Variants in EYS observed in about 807,000 individuals in gnomAD.
The protein encoded by EYS is EGF-like photoreceptor maintenance factor.
EYS carries 250 observed loss-of-function variants against 282.1 expected under a neutral mutation model. That is an observed-to-expected ratio of 0.89 (90% CI 0.80 to 0.98). EYS has a LOEUF of 0.98. Among genes scored for constraint, EYS ranks in the 50% least tolerant of loss-of-function variants. EYS has a pLI of 0.00. For missense variants in EYS, 4,016 were observed against 3,709.0 expected (o/e 1.08, Z -2.15); for synonymous variants, 1,355 against 1,282.9 (o/e 1.06, Z -1.20).
chr6:64,430,208 T>C (rs1484411332), intron 28 of EYS, among the ~76,000 whole-genome samples: 2 of 152,184 alleles, frequency 1.3e-5, no homozygotes, highest in African/African-American at 2.4e-5. Context: ...TTACTAAAAT[T>C]TGTGGTTTCT....
chr6:64,622,631 G>T (rs1267732669), intron 23 of EYS, among the ~76,000 whole-genome samples: 2 of 152,088 alleles, frequency 1.3e-5, no homozygotes, highest in African/African-American at 2.4e-5. Context: ...GACAACCATG[G>T]AGTTGTTGTT....
intron 19 of EYS, among the ~76,000 whole-genome samples, chr6:64,872,563 T>C (rs1353266954): frequency 2.0e-5 from 3 of 152,024 alleles, no homozygotes; most frequent in Admixed American, 6.6e-5. Flanking sequence ...CCATCTCTTA[T>C]AGCCCCTCTG....
Position 64,983,470 on chromosome 6 carries a change from T to A in EYS, c.2259+14112A>T, listed in dbSNP as rs961492366. ...CTCAATTGAGTCAATACAACCAGTT[T>A]TCCCCCCACACAAAACTTATACTTT... On this transcript the variant is annotated intron_variant, in intron 14 of 42. Transcript: ENST00000503581. Among the ~76,000 whole-genome samples, 14 of 151,346 alleles carry A rather than the reference T, an allele frequency of 9.3e-5. No homozygotes were observed. In the South Asian group the frequency reaches 2.9e-3, roughly 31 times the overall value.
intron 15 of EYS, among the ~76,000 whole-genome samples, chr6:64,918,067 G>C (rs1232677681): frequency 6.6e-6 from 1 of 151,752 alleles, no homozygotes; most frequent in African/African-American, 2.4e-5. Flanking sequence ...ACACCCTTAG[G>C]TGTACATACC....
chr6:65,520,106 C>T (rs1767310541), intron 2 of EYS, among the ~76,000 whole-genome samples: 1 of 151,956 alleles, frequency 6.6e-6, no homozygotes, highest in African/African-American at 2.4e-5. Context: ...GTACTTGATA[C>T]ATATCACCCC....
At chr6:64,432,745 T>C (rs551224450) in intron 28 of EYS, among the ~76,000 whole-genome samples, 22 of 152,098 alleles carry the variant, frequency 1.4e-4, no homozygotes, top group African/African-American at 4.1e-4. Context: ...TCTACCTTAA[T>C]GTTCTACCTG....
chr6:64,622,740 C>A (rs1767485525), intron 23 of EYS, among the ~76,000 whole-genome samples: 1 of 152,032 alleles, frequency 6.6e-6, no homozygotes, highest in East Asian at 1.9e-4. Context: ...AGTGTTTAGC[C>A]AATTTAAAGA....
intron 11 of EYS, among the ~76,000 whole-genome samples, chr6:65,319,204 C>CAAAAAAAAAAAAAAAA (rs55687610): frequency 4.5e-5 from 2 of 44,392 alleles, no homozygotes; most frequent in African/African-American, 8.8e-5. Context: ...ACTAAAAATG[C>CAAAAAAAAAAAAAAAA]AAAAAAAAAA....
chr6:63,933,306 C>G (rs972617767), intron 35 of EYS, among the ~76,000 whole-genome samples: 2 of 152,112 alleles, frequency 1.3e-5, no homozygotes, highest in African/African-American at 4.8e-5. Context: ...GATCTTGGCT[C>G]ACTGCAACCT....
chr6:63,841,673 A>G (rs1771963528), intron 36 of EYS, among the ~76,000 whole-genome samples: 1 of 152,156 alleles, frequency 6.6e-6, no homozygotes, highest in Non-Finnish European at 1.5e-5. Flanking sequence ...GGCTTGTTAC[A>G]TAGGTGTACA....
Position 65,543,171 on chromosome 6 carries a change from A to C in EYS, c.-332-47178T>G, listed in dbSNP as rs569265745. Among the ~76,000 whole-genome samples the C allele has an allele frequency of 2.0e-5, 3 of 151,904 alleles. No individual in the cohort carries two copies. In the South Asian group the frequency reaches 6.2e-4, roughly 32 times the overall value. The stretch of plus-strand genomic sequence containing the variant: ...GTAGCTGGGATTATAGGCACTTGCC[A>C]CCATGCCGGGCTAATTTTTGTATTT... On this transcript the variant is annotated intron_variant, in intron 2 of 42. Coordinates refer to ENST00000503581, the MANE Select transcript of EYS (RefSeq NM_001142800.2).
intron 37 of EYS, among the ~76,000 whole-genome samples, chr6:63,804,492 C>T (rs1432211153): frequency 6.6e-6 from 1 of 152,204 alleles, no homozygotes; most frequent in Non-Finnish European, 1.5e-5. Context: ...GTCTACATCA[C>T]CAGTCTCTAG....
intron 35 of EYS, among the ~76,000 whole-genome samples, chr6:63,928,524 C>CTGTGTG: frequency 6.7e-6 from 1 of 149,398 alleles, no homozygotes; most frequent in African/African-American, 2.4e-5. Context: ...CACCTTTTGA[C>CTGTGTG]TGTGTGTGTG....
At chr6:64,519,339 G>A (rs368123518) in intron 26 of EYS, among the ~76,000 whole-genome samples, 3 of 151,820 alleles carry the variant, frequency 2.0e-5, no homozygotes, top group Non-Finnish European at 2.9e-5. Flanking sequence ...GGGGACTTTA[G>A]ATTGTTTTGT....
intron 22 of EYS, among the ~76,000 whole-genome samples, chr6:64,779,981 T>G (rs1773808501): frequency 6.6e-6 from 1 of 152,178 alleles, no homozygotes; most frequent in Admixed American, 6.5e-5. Context: ...ATGCAATACT[T>G]AACTACAAAG....
chr6:64,668,860 C>G (rs939592529), intron 22 of EYS, among the ~76,000 whole-genome samples: 12 of 152,080 alleles, frequency 7.9e-5, no homozygotes, highest in Non-Finnish European at 1.3e-4. Context: ...AGCCACCACA[C>G]CTGGCCGCTA....
chr6:64,778,677 A>G (rs1223058858), intron 22 of EYS, among the ~76,000 whole-genome samples: 3 of 152,154 alleles, frequency 2.0e-5, no homozygotes, highest in African/African-American at 7.2e-5. Context: ...AAATATACAA[A>G]AACTCCTAAA....
chr6:64,892,270 T>C (rs1767314971), intron 18 of EYS, among the ~76,000 whole-genome samples: 1 of 151,974 alleles, frequency 6.6e-6, no homozygotes, highest in Non-Finnish European at 1.5e-5. Context: ...ATTATTTGTA[T>C]GCTTCTGAAG....
intron 29 of EYS, among the ~76,000 whole-genome samples, chr6:64,327,168 C>A (rs918074855): frequency 6.6e-6 from 1 of 152,042 alleles, no homozygotes; most frequent in African/African-American, 2.4e-5. Context: ...GTGGGAAAAA[C>A]CAGATCTAGG....
Sources: gnomAD v4.1 joint callset for allele counts (sites outside exome capture counted in the v4.1 genomes callset) on GRCh38, gnomAD v4.1.1 for gene constraint, MANE v1.5 for transcripts, NCBI Gene and HGNC (gene_info 2026-07-23, HGNC 2026-07-21) for gene names.